Variants in SH3RF3 observed in about 807,000 individuals in gnomAD.
The protein encoded by SH3RF3 is SH3 domain containing ring finger 3.
In SH3RF3, 29 loss-of-function variants were observed where a neutral mutation model predicts 66.3. The ratio of observed to expected loss-of-function variants is 0.44; its 90% confidence interval spans 0.33 to 0.60. The LOEUF is 0.60. Among genes scored for constraint, SH3RF3 ranks in the 20% least tolerant of loss-of-function variants. The probability of loss-of-function intolerance (pLI) is 0.04; values close to 1 mark genes in which losing one functional copy is unlikely to be tolerated. For synonymous variants in SH3RF3, 583 were observed against 532.0 expected (o/e 1.10, Z -1.32); for missense variants, 1,194 against 1,190.9 (o/e 1.00, Z -0.04).
chr2:109,339,410 C>G (rs999692756), intron 1 of SH3RF3, among the ~76,000 whole-genome samples: 1 of 152,150 alleles, frequency 6.6e-6, no homozygotes, highest in African/African-American at 2.4e-5. Context: ...TCCTTCTCTT[C>G]CCTCCTGTCC....
At chr2:109,317,273 G>A (rs754353489) in intron 1 of SH3RF3, among the ~76,000 whole-genome samples, 4 of 152,236 alleles carry the variant, frequency 2.6e-5, no homozygotes, top group Middle Eastern at 3.4e-3. Flanking sequence ...CACAGATAGC[G>A]TCAAGTCTTG....
At chr2:109,161,631 A>G (rs1478332371) in intron 1 of SH3RF3, among the ~76,000 whole-genome samples, 2 of 151,924 alleles carry the variant, frequency 1.3e-5, no homozygotes, top group African/African-American at 2.4e-5. Flanking sequence ...GCAACTGGCA[A>G]GGGTCTCAGG....
At chr2:109,489,092 G>A (rs1329794257) in intron 8 of SH3RF3, among the ~76,000 whole-genome samples, 2 of 152,182 alleles carry the variant, frequency 1.3e-5, no homozygotes, top group East Asian at 1.9e-4. Flanking sequence ...CGAGACTCAG[G>A]CAGTGGAGTT....
chr2:109,347,872 C>T lies in SH3RF3; in HGVS notation c.772C>T (p.Pro258Ser). Reference protein sequence around the residue: ...IQCIQPLPHAPPQGKALYDFE... With the variant: ...IQCIQPLPHASPQGKALYDFE... ...GTGCATCCAGCCCTTGCCACACGCC[C>T]CGCCCCAGGGAAAAGCACTTTATGA... Residue 258 changes from proline (P) to serine (S), a missense_variant, in exon 2 of 10, where the codon CCG (proline) becomes TCG (serine). Physicochemically the swap from Pro to Ser is moderately conservative, Grantham distance 74. Coordinates refer to ENST00000309415, the MANE Select transcript of SH3RF3 (RefSeq NM_001099289.3). The T allele has an allele frequency of 6.2e-7, 1 of 1,613,268 alleles. No homozygotes were observed. Among genetic ancestry groups the T allele is most frequent in the Non-Finnish European group, 8.5e-7 (1 of 1,179,614 alleles).
chr2:109,204,254 T>A (rs902465838), intron 1 of SH3RF3, among the ~76,000 whole-genome samples: 14 of 152,238 alleles, frequency 9.2e-5, no homozygotes, highest in African/African-American at 3.4e-4. Context: ...CTTACTTTGC[T>A]TATGCCCTGT....
At chr2:109,456,071 G>A (rs538246355) in intron 8 of SH3RF3, among the ~76,000 whole-genome samples, 4 of 152,316 alleles carry the variant, frequency 2.6e-5, no homozygotes, top group Non-Finnish European at 4.4e-5. Flanking sequence ...CTGATGCATC[G>A]CTGGGCTCCC....
At chr2:109,345,370 G>A (rs1232932751) in intron 1 of SH3RF3, among the ~76,000 whole-genome samples, 2 of 152,172 alleles carry the variant, frequency 1.3e-5, no homozygotes, top group Non-Finnish European at 2.9e-5. Context: ...CGAGCCGGCC[G>A]CAGAAGGGAG....
At chr2:109,368,898 C>T (rs1224587359) in intron 2 of SH3RF3, among the ~76,000 whole-genome samples, 4 of 152,038 alleles carry the variant, frequency 2.6e-5, no homozygotes, top group African/African-American at 9.7e-5. Flanking sequence ...AGCCTTAGGC[C>T]CTTAGGCTGA....
intron 1 of SH3RF3, among the ~76,000 whole-genome samples, chr2:109,270,279 C>G (rs114137333): frequency 3.2e-4 from 49 of 152,280 alleles, no homozygotes; most frequent in African/African-American, 1.2e-3. Context: ...TAAGGCGAGT[C>G]TGTGGTTGCC....
intron 1 of SH3RF3, among the ~76,000 whole-genome samples, chr2:109,217,318 G>A (rs1679121193): frequency 1.3e-5 from 2 of 152,286 alleles, no homozygotes; most frequent in African/African-American, 4.8e-5. Flanking sequence ...AACCTTGGTT[G>A]TTCTCTTTGT....
chr2:109,267,170 T>C (rs1275351061), intron 1 of SH3RF3, among the ~76,000 whole-genome samples: 4 of 152,142 alleles, frequency 2.6e-5, no homozygotes, highest in Non-Finnish European at 5.9e-5. Context: ...CGATCGGTGA[T>C]TTCCCCATGT....
chr2:109,423,959 G>A (rs190388235), intron 5 of SH3RF3, among the ~76,000 whole-genome samples: 208 of 152,108 alleles, frequency 1.4e-3, no homozygotes, highest in African/African-American at 4.6e-3. Flanking sequence ...GAGAGTCTCT[G>A]GATGACATAG....
At chr2:109,303,726 G>T (rs1339309245) in intron 1 of SH3RF3, among the ~76,000 whole-genome samples, 1 of 152,152 alleles carries the variant, frequency 6.6e-6, no homozygotes, top group Non-Finnish European at 1.5e-5. Context: ...GTTGAGGCCT[G>T]GTTGGCATAT....
intron 1 of SH3RF3, among the ~76,000 whole-genome samples, chr2:109,243,175 G>A (rs1347742324): frequency 6.6e-6 from 1 of 152,264 alleles, no homozygotes; most frequent in East Asian, 1.9e-4. Flanking sequence ...TAAGGGCTGA[G>A]GAAAGCTTCT....
At chr2:109,332,838 T>C (rs986217381) in intron 1 of SH3RF3, among the ~76,000 whole-genome samples, 1 of 152,218 alleles carries the variant, frequency 6.6e-6, no homozygotes, top group African/African-American at 2.4e-5. Context: ...AGTATGTTAA[T>C]TGTGTCCTCA....
intron 1 of SH3RF3, among the ~76,000 whole-genome samples, chr2:109,262,776 A>G (rs1212275405): frequency 1.3e-5 from 2 of 152,156 alleles, no homozygotes; most frequent in East Asian, 1.9e-4. Flanking sequence ...TTACATTTAT[A>G]TATGTAATGG....
At chr2:109,175,983 C>A (rs2104964765) in intron 1 of SH3RF3, among the ~76,000 whole-genome samples, 1 of 152,210 alleles carries the variant, frequency 6.6e-6, no homozygotes, top group South Asian at 2.1e-4. Context: ...AGAGAGCAAG[C>A]AGAAAAGATC....
At chr2:109,479,107 T>C (rs1457203989) in intron 8 of SH3RF3, among the ~76,000 whole-genome samples, 2 of 152,146 alleles carry the variant, frequency 1.3e-5, no homozygotes, top group East Asian at 3.9e-4. Flanking sequence ...CAGCACACAC[T>C]TCTCAACGTG....
intron 4 of SH3RF3, among the ~76,000 whole-genome samples, chr2:109,402,641 G>A (rs113509866): frequency 0.011 from 1,601 of 152,314 alleles, 45 homozygotes; most frequent in African/African-American, 0.037. Flanking sequence ...GTCCATTCAG[G>A]CTGTGATAAA....
Sources: allele counts gnomAD v4.1 joint callset (sites outside exome capture counted in the v4.1 genomes callset), GRCh38; gene constraint gnomAD v4.1.1; transcripts MANE v1.5; gene names NCBI Gene and HGNC (gene_info 2026-07-23, HGNC 2026-07-21).